Variants in PUM2 observed in about 807,000 individuals in gnomAD.
The protein encoded by PUM2 is pumilio RNA binding family member 2.
Under a neutral mutation model 124.5 loss-of-function variants are expected in PUM2, and 57 were observed. The ratio of observed to expected loss-of-function variants is 0.46; its 90% CI spans 0.37 to 0.57. The LOEUF (loss-of-function observed/expected upper bound fraction) is 0.57. Ranked by LOEUF, PUM2 falls within the 20% of genes least tolerant of loss-of-function variation. The pLI is 0.00. For synonymous variants in PUM2, 460 were observed against 446.1 expected (o/e 1.03, Z -0.39); for missense variants, 1,065 against 1,290.6 (o/e 0.83, Z 2.68).
At chr2:20,253,550 G>A (rs1005726547) in intron 20 of PUM2, among the ~76,000 whole-genome samples, 37 of 148,234 alleles carry the variant, frequency 2.5e-4, no homozygotes, top group Non-Finnish European at 7.4e-5. Context: ...TTGCCACATT[G>A]CTCAGGCTGG....
intron 3 of PUM2, among the ~76,000 whole-genome samples, chr2:20,312,847 CATGGT>C (rs760133507): frequency 9.2e-5 from 14 of 152,164 alleles, no homozygotes; most frequent in Non-Finnish European, 2.1e-4. Flanking sequence ...ACCAAGACAG[CATGGT>C]ACTGGTACCA....
chr2:20,333,977 G>A (rs970483035), intron 1 of PUM2, among the ~76,000 whole-genome samples: 2 of 152,074 alleles, frequency 1.3e-5, no homozygotes, highest in African/African-American at 4.8e-5. Flanking sequence ...AGAGGTGCCT[G>A]CTTTCACTTC....
At chr2:20,252,618 C>G (rs542990366) in intron 20 of PUM2, among the ~76,000 whole-genome samples, 2 of 152,170 alleles carry the variant, frequency 1.3e-5, no homozygotes, top group Non-Finnish European at 1.5e-5. Flanking sequence ...AGTGTTCTTT[C>G]AGTTTTCTTT....
intron 5 of PUM2, among the ~76,000 whole-genome samples, chr2:20,310,455 T>G (rs145700185): frequency 2.6e-5 from 4 of 152,098 alleles, no homozygotes; most frequent in African/African-American, 7.2e-5. Flanking sequence ...ATGTATACTC[T>G]GAAGGGTTTA....
Position 20,327,194 on chromosome 2 carries a change from T to C in PUM2, c.51+116A>G, listed in dbSNP as rs899689802. 4.2e-6 allele frequency: 3 copies of C among 706,424 alleles called. 1 individual carries two copies. Among genetic ancestry groups the C allele is most frequent in the East Asian group, 5.3e-5 (2 of 37,644 alleles). 43.8% of individuals were successfully genotyped at this position (706,424 alleles called of 1,614,324 possible). A position where few individuals can be genotyped will look rare whatever the true frequency, so the allele number is the denominator to read the frequency against. ...AATCTGAAATTTAAACCCCTCCATA[T>C]AGTTTGGAAGATATGACCACTATTT... On this transcript the variant is annotated intron_variant, in intron 2 of 20. Transcript: ENST00000361078.
intron 8 of PUM2, 29 bp downstream of exon 8, chr2:20,297,524 A>G (rs374015835): frequency 8.0e-5 from 122 of 1,520,266 alleles, no homozygotes; most frequent in Non-Finnish European, 9.4e-5. Context: ...AAAAGCAACC[A>G]TAATAAAGAT....
rs888249915 is a variant in PUM2 at position 20,312,366 on chromosome 2, C to T, written c.218G>A (p.Gly73Glu). ...VQRRSGQGFH[G>E]NSEVNAILSP... ...CAGTATTGCATTTACTTCACTGTTT[C>T]CATGAAAACCCTGTCCAGATCTTCT... The change falls in exon 4 of 21, where the codon GGA (glycine) becomes GAA (glutamate). Residue 73 changes from glycine to glutamate, a missense_variant. Gly to Glu is a moderately conservative substitution (Grantham distance 98, BLOSUM62 -2). Around this residue, in one of 3 missense-constraint regions of PUM2, gnomAD observed 90 missense variants for 103.6 expected, o/e 0.87. Transcript: ENST00000361078. The T allele has an allele frequency of 1.2e-6, 2 of 1,613,702 alleles. No homozygotes were observed. Among genetic ancestry groups the T allele is most frequent in the African/African-American group, 2.7e-5 (2 of 74,886 alleles).
intron 12 of PUM2, among the ~76,000 whole-genome samples, chr2:20,282,291 A>G (rs1273666641): frequency 4.6e-5 from 7 of 152,224 alleles, no homozygotes; most frequent in Non-Finnish European, 1.5e-5. Context: ...TTATTTAGTG[A>G]AGCTATTTAA....
At chr2:20,321,059 T>C (rs952260831) in intron 2 of PUM2, among the ~76,000 whole-genome samples, 2 of 152,136 alleles carry the variant, frequency 1.3e-5, no homozygotes, top group Admixed American at 6.6e-5. Context: ...TCTTATGAGG[T>C]AGTAAAAGTA....
In PUM2 at chr2:20,301,624, T is replaced by A. The variant is rs543824870; in HGVS notation, c.884-3946A>T. Among the ~76,000 whole-genome samples, 6 of 152,330 alleles carry A rather than the reference T, an allele frequency of 3.9e-5. No homozygotes were observed. The South Asian group carries it at 1.2e-3, about 32-fold the overall frequency. ...TTTTTTGAGACAAGGTCTTGCTCTG[T>A]TGCCCAGGCTTGGGGTGCAGTGGCA... On this transcript the variant is annotated intron_variant, in intron 7 of 20. Transcript: ENST00000361078.
chr2:20,338,536 C>T (rs1558680022), intron 1 of PUM2, among the ~76,000 whole-genome samples: 1 of 152,188 alleles, frequency 6.6e-6, no homozygotes, highest in East Asian at 1.9e-4. Flanking sequence ...TCTTAATTCC[C>T]ACAGAATTTA....
intron 7 of PUM2, among the ~76,000 whole-genome samples, chr2:20,305,602 A>C (rs917453099): frequency 2.0e-5 from 3 of 152,088 alleles, no homozygotes; most frequent in African/African-American, 7.2e-5. Context: ...AAAATCCTAA[A>C]TGAAATACTA....
intron 13 of PUM2, among the ~76,000 whole-genome samples, chr2:20,264,675 A>T (rs564393879): frequency 1.3e-5 from 2 of 152,098 alleles, no homozygotes; most frequent in Non-Finnish European, 2.9e-5. Context: ...GAAAAACAAA[A>T]TCCACTACCA....
chr2:20,282,843 C>G, intron 12 of PUM2, 104 bp downstream of exon 12: 1 of 1,267,376 alleles, frequency 7.9e-7, no homozygotes, highest in Non-Finnish European at 1.1e-6. Flanking sequence ...TACTTTATTC[C>G]TGTCCTTCCT....
Position 20,257,043 on chromosome 2 carries a change from CAAAAAAAAAAAAAAA to C in PUM2, c.2485-888_2485-874del, listed in dbSNP as rs58072146. Among the ~76,000 whole-genome samples the C allele has an allele frequency of 3.0e-3, 216 of 71,806 alleles. 2 individuals carry two copies. Among genetic ancestry groups the C allele is most frequent in the African/African-American group, 0.012 (206 of 16,824 alleles). The allele number at this position is 71,806 out of a possible 152,430, so 47.1% of individuals were successfully genotyped here. A position where few individuals can be genotyped will look rare whatever the true frequency, so the allele number is the denominator to read the frequency against. ...TGGGCGACACAGCAAGATTCCGTCT[CAAAAAAAAAAAAAAA>C]AAAAAAAAAAAAAAAGAAATCCAAA... On this transcript the variant is annotated intron_variant, in intron 16 of 20. Transcript: ENST00000361078.
intron 8 of PUM2, among the ~76,000 whole-genome samples, chr2:20,296,352 A>G (rs543502400): frequency 3.4e-4 from 51 of 152,176 alleles, no homozygotes; most frequent in Non-Finnish European, 5.6e-4. Context: ...AAAATTAGCC[A>G]GGCGTGGTGG....
chr2:20,348,389 C>G (rs1296153676), intron 1 of PUM2, among the ~76,000 whole-genome samples: 2 of 152,080 alleles, frequency 1.3e-5, no homozygotes, highest in African/African-American at 4.8e-5. Flanking sequence ...ACAAGTATTT[C>G]CATATCCTGG....
chr2:20,340,388 C>T (rs990554614), intron 1 of PUM2, among the ~76,000 whole-genome samples: 4 of 152,204 alleles, frequency 2.6e-5, no homozygotes, highest in Non-Finnish European at 5.9e-5. Flanking sequence ...CAGAGTTCTA[C>T]CTTTCTCAGT....
At chr2:20,314,004 A>G (rs1318004260) in intron 3 of PUM2, among the ~76,000 whole-genome samples, 1 of 151,936 alleles carries the variant, frequency 6.6e-6, no homozygotes, top group Non-Finnish European at 1.5e-5. Flanking sequence ...TTAGCTGGAC[A>G]TGGTGACGGG....
Sources: allele counts gnomAD v4.1 joint callset (sites outside exome capture counted in the v4.1 genomes callset), GRCh38; gene constraint gnomAD v4.1.1; regional missense constraint gnomAD v4.1.1; transcripts MANE v1.5; gene names NCBI Gene and HGNC (gene_info 2026-07-23, HGNC 2026-07-21).